The following TEKTIP1 variants were observed in gnomAD, a reference collection of about 807,000 sequenced individuals.
TEKTIP1 encodes tektin bundle interacting protein 1, also known as tektin bundle-interacting protein 1.
At chr19:3,543,877 A>G in the TEKTIP1 span, 5 of 1,550,318 alleles carry the variant, frequency 3.2e-6, no homozygotes, top group Non-Finnish European at 4.4e-6. Context: ...AGGGCATCAG[A>G]CTACGTGCCC....
chr19:3,542,950 C>T, the TEKTIP1 span: 290 of 1,506,486 alleles, frequency 1.9e-4, 2 homozygotes, highest in African/African-American at 3.6e-3. Context: ...CTTGTCCTCT[C>T]CCCTCCCTCT....
the TEKTIP1 span, among the ~76,000 whole-genome samples, chr19:3,541,083 C>T: frequency 1.6e-4 from 24 of 148,586 alleles, no homozygotes; most frequent in African/African-American, 5.7e-4. Context: ...GCAGGAGAAT[C>T]GCTTGAACCT....
chr19:3,542,065 C>T, the TEKTIP1 span: 7 of 917,988 alleles, frequency 7.6e-6, no homozygotes, highest in Non-Finnish European at 7.8e-6. Flanking sequence ...CCACCTTGGC[C>T]TCCCAAAGTG....
chr19:3,540,593 C>T, the TEKTIP1 span, among the ~76,000 whole-genome samples: 1 of 151,828 alleles, frequency 6.6e-6, no homozygotes, highest in Non-Finnish European at 1.5e-5. Context: ...AAAAATCAGC[C>T]AGGCAGCCAG....
the TEKTIP1 span, chr19:3,543,314 G>A: frequency 1.3e-6 from 2 of 1,549,296 alleles, no homozygotes; most frequent in Non-Finnish European, 1.7e-6. Flanking sequence ...CACGCCCATG[G>A]GACGGGACGC....
the TEKTIP1 span, chr19:3,543,328 C>A: frequency 6.5e-7 from 1 of 1,549,394 alleles, no homozygotes; most frequent in Non-Finnish European, 8.7e-7. Context: ...GGGACGCAGC[C>A]GGCCAGCTGT....
chr19:3,543,403 C>T, the TEKTIP1 span: 1 of 1,548,430 alleles, frequency 6.5e-7, no homozygotes, highest in Non-Finnish European at 8.7e-7. Context: ...GGGCCCCGGC[C>T]AGCCCCTTCC....
At chr19:3,542,251 A>G in the TEKTIP1 span, 1 of 985,312 alleles carries the variant, frequency 1.0e-6, no homozygotes, top group Non-Finnish European at 1.2e-6. Flanking sequence ...CAGGCTCTGT[A>G]ACTGACCAGG....
At chr19:3,543,007 G>C in the TEKTIP1 span, 5 of 1,600,300 alleles carry the variant, frequency 3.1e-6, no homozygotes, top group South Asian at 1.1e-5. Context: ...GTGCTGACTT[G>C]GGTGCTTGGG....
the TEKTIP1 span, chr19:3,543,689 A>C: frequency 1.3e-6 from 2 of 1,530,570 alleles, no homozygotes; most frequent in Non-Finnish European, 1.8e-6. Flanking sequence ...CGGTGAGGCT[A>C]GGTGCAGGGT....
At chr19:3,542,644 G>A in the TEKTIP1 span, 1 of 1,084,178 alleles carries the variant, frequency 9.2e-7, no homozygotes, top group Non-Finnish European at 1.2e-6. Context: ...ACCATGCCTG[G>A]CTTAATTTTC....
the TEKTIP1 span, chr19:3,543,480 G>A: frequency 5.2e-6 from 7 of 1,338,728 alleles, no homozygotes; most frequent in African/African-American, 1.2e-4. Flanking sequence ...TCGGGTGAGT[G>A]CCCCCCCCCC....
the TEKTIP1 span, among the ~76,000 whole-genome samples, chr19:3,540,708 C>T: frequency 0.99 from 144,104 of 145,954 alleles, 71,127 homozygotes; most frequent in Non-Finnish European, 0.99. Flanking sequence ...GGTGAAACCC[C>T]GTCTCTACTA....
the TEKTIP1 span, chr19:3,543,563 C>T: frequency 3.9e-6 from 6 of 1,539,838 alleles, no homozygotes; most frequent in Non-Finnish European, 5.2e-6. Context: ...AGCCTACACC[C>T]AGCACCTGCG....
chr19:3,540,084 CTTTTCT>C, the TEKTIP1 span: 1 of 132,100 alleles, frequency 7.6e-6, no homozygotes, highest in East Asian at 2.3e-4. Context: ...AGACCCATCT[CTTTTCT>C]TTTTTTTTTT....
chr19:3,543,691 G>C, the TEKTIP1 span: 1 of 1,524,308 alleles, frequency 6.6e-7, no homozygotes, highest in Non-Finnish European at 8.8e-7. Context: ...GTGAGGCTAG[G>C]TGCAGGGTGG....
At chr19:3,542,712 A>T in the TEKTIP1 span, 4 of 1,288,396 alleles carry the variant, frequency 3.1e-6, no homozygotes, top group Non-Finnish European at 4.1e-6. Flanking sequence ...CGAACTCCTG[A>T]CCTCAAGTGA....
the TEKTIP1 span, chr19:3,542,124 T>C: frequency 5.1e-6 from 5 of 985,242 alleles, no homozygotes; most frequent in African/African-American, 1.7e-5. Context: ...TTGTGCTGTT[T>C]TAATTGTGTT....
the TEKTIP1 span, chr19:3,543,913 C>T: frequency 1.9e-6 from 3 of 1,551,224 alleles, no homozygotes; most frequent in East Asian, 4.9e-5. Context: ...CAGCGCCCGC[C>T]CGGCACCACC....
Sources: allele counts gnomAD v4.1 joint callset (sites outside exome capture counted in the v4.1 genomes callset), GRCh38; gene constraint gnomAD v4.1.1; transcripts MANE v1.5; gene names NCBI Gene and HGNC (gene_info 2026-07-23, HGNC 2026-07-21).